Variants in CSMD1 observed in about 807,000 individuals in gnomAD.
The protein encoded by CSMD1 is CUB and Sushi multiple domains 1.
Under a neutral mutation model 417.5 loss-of-function variants are expected in CSMD1, and 213 were observed. The observed-to-expected ratio is 0.51, with a 90% CI of 0.46 to 0.57. CSMD1 has a LOEUF of 0.57. Among genes scored for constraint, CSMD1 ranks in the 20% least tolerant of loss-of-function variants. The pLI is 0.00. For missense variants in CSMD1, 6,923 were observed against 4,529.7 expected, an observed-to-expected ratio of 1.53 and a Z score of -15.17; for synonymous variants, 2,862 against 1,736.8, an observed-to-expected ratio of 1.65 and a Z score of -16.11.
At chr8:4,198,851 C>G (rs1799489068) in intron 3 of CSMD1, among the ~76,000 whole-genome samples, 2 of 152,124 alleles carry the variant, frequency 1.3e-5, no homozygotes, top group South Asian at 4.2e-4. Context: ...AGAGACAGCG[C>G]AACAATATCA....
At chr8:3,855,742 T>G (rs1293232706) in intron 5 of CSMD1, among the ~76,000 whole-genome samples, 1 of 152,236 alleles carries the variant, frequency 6.6e-6, no homozygotes, top group Non-Finnish European at 1.5e-5. Context: ...TCATGGGTCA[T>G]GCGATGTGAA....
chr8:4,691,191 C>A (rs1050831655), intron 1 of CSMD1, among the ~76,000 whole-genome samples: 1 of 152,158 alleles, frequency 6.6e-6, no homozygotes, highest in Admixed American at 6.5e-5. Context: ...AAAGAAACTG[C>A]AAATCAGCAG....
intron 1 of CSMD1, among the ~76,000 whole-genome samples, chr8:4,789,904 A>G (rs1034840552): frequency 6.6e-6 from 1 of 152,224 alleles, no homozygotes; most frequent in Admixed American, 6.5e-5. Flanking sequence ...AGAATTTAGT[A>G]GTAGCCATCA....
At chr8:4,460,897 G>A (rs1041820487) in intron 2 of CSMD1, among the ~76,000 whole-genome samples, 1 of 152,076 alleles carries the variant, frequency 6.6e-6, no homozygotes, top group Admixed American at 6.5e-5. Context: ...AAATAGAAGA[G>A]GGATCACATT....
At chr8:4,279,785 G>A (rs1221829585) in intron 3 of CSMD1, among the ~76,000 whole-genome samples, 4 of 152,170 alleles carry the variant, frequency 2.6e-5, no homozygotes, top group Admixed American at 6.5e-5. Flanking sequence ...TATGGAGGAG[G>A]CCAGGAGTGT....
Position 3,831,378 on chromosome 8 carries a change from C to T in CSMD1, c.819-77336G>A, listed in dbSNP as rs142190700. 3.9e-3 allele frequency among the ~76,000 whole-genome samples: 601 copies of T among 152,222 alleles called. 4 individuals carry two copies. Among genetic ancestry groups the T allele is most frequent in the African/African-American group, 0.014 (575 of 41,542 alleles). ...AGCACTTGCAAACTCGTCTTTCCAA[C>T]AGAGACAAATGATTCTTGGAACTGC... On this transcript the variant is annotated intron_variant, in intron 5 of 69. Coordinates refer to ENST00000635120, the MANE Select transcript of CSMD1 (RefSeq NM_033225.6).
At chr8:3,339,098 T>C (rs1347334434) in intron 23 of CSMD1, among the ~76,000 whole-genome samples, 1 of 151,296 alleles carries the variant, frequency 6.6e-6, no homozygotes, top group African/African-American at 2.4e-5. Flanking sequence ...TGGTTGTTTG[T>C]TCTTGCGATA....
intron 5 of CSMD1, among the ~76,000 whole-genome samples, chr8:3,854,636 A>T (rs1266448713): frequency 6.6e-6 from 1 of 151,966 alleles, no homozygotes; most frequent in African/African-American, 2.4e-5. Context: ...GTCAGGCCTT[A>T]TGATATAGAA....
chr8:4,148,703 C>T lies in CSMD1; in HGVS notation c.416-116604G>A, dbSNP rs184578258. On this transcript the variant is annotated intron_variant, in intron 3 of 69. Coordinates refer to ENST00000635120, the MANE Select transcript of CSMD1 (RefSeq NM_033225.6). ...TCTCTTCTAGTAAGGGCACTCAGCC[C>T]ACAGCGAGGGCTCCACTCTCATCAC... Among the ~76,000 whole-genome samples, 74 of 152,140 alleles carry T rather than the reference C, an allele frequency of 4.9e-4. 2 individuals are homozygous for T. The East Asian group carries it at 1.0e-2, about 20-fold the overall frequency.
intron 4 of CSMD1, among the ~76,000 whole-genome samples, chr8:4,013,882 C>G (rs1796396516): frequency 6.6e-6 from 1 of 152,086 alleles, no homozygotes; most frequent in Non-Finnish European, 1.5e-5. Context: ...GATCATATGA[C>G]ATGAAAACAA....
At chr8:4,054,041 G>C (rs1303871624) in intron 3 of CSMD1, among the ~76,000 whole-genome samples, 2 of 152,166 alleles carry the variant, frequency 1.3e-5, no homozygotes, top group Non-Finnish European at 2.9e-5. Context: ...TGCTTAGGAA[G>C]TTCACTGAGA....
chr8:3,054,035 C>T (rs953358141), intron 49 of CSMD1, among the ~76,000 whole-genome samples: 8 of 152,164 alleles, frequency 5.3e-5, no homozygotes, highest in South Asian at 4.2e-4. Context: ...AAATGACTAA[C>T]CTAAGGTGAC....
At chr8:4,673,771 T>C (rs1017508850) in intron 1 of CSMD1, among the ~76,000 whole-genome samples, 1 of 152,098 alleles carries the variant, frequency 6.6e-6, no homozygotes, top group Non-Finnish European at 1.5e-5. Flanking sequence ...AGGTCACACA[T>C]TGTATGATTA....
chr8:3,163,763 C>G (rs1285509124), intron 37 of CSMD1, among the ~76,000 whole-genome samples: 1 of 152,162 alleles, frequency 6.6e-6, no homozygotes, highest in Non-Finnish European at 1.5e-5. Context: ...GCAGCAAGGT[C>G]AAGGGAAACC....
rs140771501 is a variant in CSMD1, at chr8:4,032,265, G to A, written c.416-166C>T. 1.1e-4 allele frequency among the ~76,000 whole-genome samples: 16 copies of A among 152,190 alleles called. No individual in the cohort carries two copies. In the East Asian group the frequency reaches 2.5e-3, roughly 24 times the overall value. On this transcript the variant is annotated intron_variant, in intron 3 of 69. Coordinates refer to ENST00000635120, the MANE Select transcript of CSMD1 (RefSeq NM_033225.6). Reference sequence around the variant, plus strand: ...AAATAAACTGAGAAAATGTCTTCAGGTTTTAGAATATCTGCAGTATAACAC... The same window carrying A: ...AAATAAACTGAGAAAATGTCTTCAGATTTTAGAATATCTGCAGTATAACAC...
At chr8:4,144,137 A>C (rs73506961) in intron 3 of CSMD1, among the ~76,000 whole-genome samples, 2,111 of 151,084 alleles carry the variant, frequency 0.014, 175 homozygotes, top group African/African-American at 0.05. Flanking sequence ...CCCCAGACCC[A>C]GATGTTTCCC....
Position 3,087,296 on chromosome 8 carries a change from A to G in CSMD1, c.7286-11T>C. ...AACTGCAGTAAGGTGCTGTGGGCAG[A>G]CAGACACACACAGAAATAAGTCAAC... On this transcript the variant is annotated splice_polypyrimidine_tract_variant and intron_variant, in intron 48 of 69. Transcript: ENST00000635120. The G allele has an allele frequency of 1.2e-6, 2 of 1,610,978 alleles. No homozygotes were observed. Among genetic ancestry groups the G allele is most frequent in the South Asian group, 2.2e-5 (2 of 91,008 alleles).
At chr8:3,951,738 T>A (rs1042380259) in intron 5 of CSMD1, among the ~76,000 whole-genome samples, 1 of 152,096 alleles carries the variant, frequency 6.6e-6, no homozygotes, top group Non-Finnish European at 1.5e-5. Flanking sequence ...ATGGGGGGCA[T>A]TAAAACGTAA....
At position 3,188,913 on chromosome 8, in the gene CSMD1, T is replaced by A; in HGVS notation, c.5497A>T (p.Ile1833Leu). 1 of 1,597,594 alleles carries A rather than the reference T, an allele frequency of 6.3e-7. No homozygotes were observed. The highest frequency in any genetic ancestry group is 8.5e-7 in the Non-Finnish European group (1 of 1,171,626). Residue 1833 changes from isoleucine (I) to leucine (L), a missense_variant, in exon 35 of 70, where the codon ATA (isoleucine) becomes TTA (leucine). Transcript: ENST00000635120. ...TGAATTCCCGAGCCCTCCGTAACTA[T>A]GATCTTCCATATACAGTTCAAGTTG... ...GNNLNCIWKI[I>L]VTEGSGIQIQ... is the part of the protein sequence containing the mutation.
Sources: allele counts gnomAD v4.1 joint callset (sites outside exome capture counted in the v4.1 genomes callset), GRCh38; gene constraint gnomAD v4.1.1; transcripts MANE v1.5; gene names NCBI Gene and HGNC (gene_info 2026-07-23, HGNC 2026-07-21).